SGCZ: variants seen among roughly 807,000 people sequenced by gnomAD.
SGCZ encodes the protein zeta-sarcoglycan.
A neutral mutation model predicts 41.3 loss-of-function variants in SGCZ; 40 were observed. That is an observed-to-expected ratio of 0.97 (90% CI 0.75 to 1.26). The LOEUF is 1.26. Ranked by LOEUF, SGCZ falls within the 50% of genes most tolerant of loss-of-function variation. SGCZ has a pLI of 0.00. For missense variants in SGCZ, 552 were observed against 369.8 expected, an observed-to-expected ratio of 1.49 and a Z score of -4.04; for synonymous variants, 206 against 137.5, an observed-to-expected ratio of 1.50 and a Z score of -3.49.
intron 2 of SGCZ, among the ~76,000 whole-genome samples, chr8:14,490,347 C>G (rs1455964302): frequency 1.3e-5 from 2 of 152,080 alleles, no homozygotes; most frequent in Non-Finnish European, 2.9e-5. Context: ...AAATTTATGT[C>G]TTCTGTGCAT....
chr8:14,511,683 A>G (rs1033895299), intron 2 of SGCZ, among the ~76,000 whole-genome samples: 1 of 152,192 alleles, frequency 6.6e-6, no homozygotes, highest in Non-Finnish European at 1.5e-5. Context: ...ATGAAATGTG[A>G]AAGAATTTAG....
At chr8:15,083,921 A>G (rs1190902079) in intron 1 of SGCZ, among the ~76,000 whole-genome samples, 2 of 152,112 alleles carry the variant, frequency 1.3e-5, no homozygotes, top group African/African-American at 4.8e-5. Flanking sequence ...ATTCTTCCCC[A>G]TGTTTCATGG....
At chr8:15,124,162 C>A (rs1807589418) in intron 1 of SGCZ, among the ~76,000 whole-genome samples, 1 of 152,140 alleles carries the variant, frequency 6.6e-6, no homozygotes, top group African/African-American at 2.4e-5. Flanking sequence ...CCTTTAAGAG[C>A]AGAAGACCAG....
chr8:14,218,063 G>C (rs1054538069), intron 4 of SGCZ, among the ~76,000 whole-genome samples: 2 of 152,044 alleles, frequency 1.3e-5, no homozygotes, highest in African/African-American at 2.4e-5. Context: ...CCCAAGCCTA[G>C]GAACAAGAAA....
At chr8:14,393,008 C>T (rs750319195) in intron 2 of SGCZ, among the ~76,000 whole-genome samples, 1 of 152,010 alleles carries the variant, frequency 6.6e-6, no homozygotes, top group Non-Finnish European at 1.5e-5. Flanking sequence ...TCAAACTGTA[C>T]TGGTAATACC....
At chr8:15,170,164 T>C (rs1799785616) in intron 1 of SGCZ, among the ~76,000 whole-genome samples, 1 of 152,178 alleles carries the variant, frequency 6.6e-6, no homozygotes. Flanking sequence ...TATTTTGTCA[T>C]AAATAATATT....
At chr8:14,321,747 G>A (rs1801924597) in intron 3 of SGCZ, among the ~76,000 whole-genome samples, 1 of 151,964 alleles carries the variant, frequency 6.6e-6, no homozygotes, top group African/African-American at 2.4e-5. Context: ...CCTTACCTTA[G>A]AACTACACGA....
At chr8:14,288,767 C>T (rs1161402392) in intron 3 of SGCZ, among the ~76,000 whole-genome samples, 3 of 151,860 alleles carry the variant, frequency 2.0e-5, no homozygotes, top group Non-Finnish European at 4.4e-5. Flanking sequence ...TTTGTTTGAC[C>T]ACTTGTTACC....
At chr8:15,092,344 T>C (rs576419747) in intron 1 of SGCZ, among the ~76,000 whole-genome samples, 34 of 152,328 alleles carry the variant, frequency 2.2e-4, no homozygotes, top group African/African-American at 8.2e-4. Flanking sequence ...TAATATGGGA[T>C]ACAGAAAACT....
intron 2 of SGCZ, among the ~76,000 whole-genome samples, chr8:14,523,364 T>A (rs1802846622): frequency 6.6e-6 from 1 of 152,082 alleles, no homozygotes; most frequent in Non-Finnish European, 1.5e-5. Flanking sequence ...AGAATATTTC[T>A]TCATTTTGTC....
intron 1 of SGCZ, among the ~76,000 whole-genome samples, chr8:14,897,075 C>T (rs1386079426): frequency 6.6e-6 from 1 of 152,098 alleles, no homozygotes; most frequent in Non-Finnish European, 1.5e-5. Flanking sequence ...AGCCACCGTG[C>T]CTGGCCCTGG....
At chr8:15,128,126 TC>T (rs1807770601) in intron 1 of SGCZ, among the ~76,000 whole-genome samples, 1 of 152,166 alleles carries the variant, frequency 6.6e-6, no homozygotes, top group African/African-American at 2.4e-5. Flanking sequence ...TTTTTTCACA[TC>T]CCCTCATTCC....
intron 1 of SGCZ, among the ~76,000 whole-genome samples, chr8:14,636,445 A>G (rs189068816): frequency 6.6e-6 from 1 of 152,068 alleles, no homozygotes; most frequent in Non-Finnish European, 1.5e-5. Context: ...ACTAGGAACT[A>G]AATGTGACGA....
At chr8:14,990,842 G>A (rs1162278183) in intron 1 of SGCZ, among the ~76,000 whole-genome samples, 1 of 152,052 alleles carries the variant, frequency 6.6e-6, no homozygotes, top group Non-Finnish European at 1.5e-5. Flanking sequence ...GCTGCCTTGA[G>A]GTACAGGGAG....
At chr8:14,761,193 G>C (rs1799859562) in intron 1 of SGCZ, among the ~76,000 whole-genome samples, 1 of 152,100 alleles carries the variant, frequency 6.6e-6, no homozygotes, top group African/African-American at 2.4e-5. Context: ...ATTTTGGTCA[G>C]ATGGAAAACG....
At chr8:14,316,729 C>T (rs149697002) in intron 3 of SGCZ, among the ~76,000 whole-genome samples, 2 of 151,762 alleles carry the variant, frequency 1.3e-5, no homozygotes, top group Non-Finnish European at 2.9e-5. Context: ...TATTAGAGTG[C>T]CCAACGATTC....
intron 2 of SGCZ, among the ~76,000 whole-genome samples, chr8:14,506,947 C>T (rs12386937): frequency 0.087 from 13,284 of 152,100 alleles, 1,025 homozygotes; most frequent in African/African-American, 0.21. Flanking sequence ...CAGGTCTTCA[C>T]TGTTTTCCAG....
At chr8:15,158,139 T>A (rs940959643) in intron 1 of SGCZ, among the ~76,000 whole-genome samples, 5 of 151,142 alleles carry the variant, frequency 3.3e-5, no homozygotes, top group Non-Finnish European at 1.5e-5. Context: ...CTACTCCATC[T>A]CTTATCACAA....
chr8:15,148,032 T>C (rs1799082824), intron 1 of SGCZ, among the ~76,000 whole-genome samples: 1 of 149,542 alleles, frequency 6.7e-6, no homozygotes, highest in Non-Finnish European at 1.5e-5. Context: ...ACATTTTCTC[T>C]CTTTTCATTC....
Sources: gnomAD v4.1 joint callset for allele counts (sites outside exome capture counted in the v4.1 genomes callset) on GRCh38, gnomAD v4.1.1 for gene constraint, MANE v1.5 for transcripts, NCBI Gene and HGNC (gene_info 2026-07-23, HGNC 2026-07-21) for gene names.